SIPA1L1: variants seen among roughly 807,000 people sequenced by gnomAD.
SIPA1L1 encodes signal induced proliferation associated 1 like 1, also known as signal-induced proliferation-associated 1-like protein 1.
In SIPA1L1, 26 loss-of-function variants were observed where a neutral mutation model predicts 162.7. The observed-to-expected ratio is 0.16, with a 90% CI of 0.12 to 0.22. The LOEUF (loss-of-function observed/expected upper bound fraction) is 0.22. Ranked by LOEUF, SIPA1L1 falls within the 10% of genes least tolerant of loss-of-function variation. SIPA1L1 has a pLI of 1.00. For missense variants in SIPA1L1, 1,874 were observed against 2,241.0 expected (o/e 0.84, Z 3.31); for synonymous variants, 829 against 837.4 (o/e 0.99, Z 0.17).
intron 19 of SIPA1L1, 25 bp downstream of exon 19, chr14:71,724,860 T>C: frequency 6.2e-7 from 1 of 1,603,324 alleles, no homozygotes; most frequent in Non-Finnish European, 8.5e-7. Flanking sequence ...TCAGGGTAGA[T>C]GGCAATTAGA....
intron 2 of SIPA1L1, among the ~76,000 whole-genome samples, chr14:71,458,876 A>T (rs1476170493): frequency 6.6e-6 from 1 of 151,884 alleles, no homozygotes; most frequent in East Asian, 1.9e-4. Context: ...TTAGAGACCA[A>T]CCTGGCCTCT....
chr14:71,730,153 C>T lies in SIPA1L1; in HGVS notation c.4713C>T (p.Ser1571=). ...TGTCGGACGAGAGCATTTACAATAG[C>T]CAGAGGGAGCACTTTTTCACCTCCA... ...RTLSDESIYN[S]QREHFFTSRA... is the part of the protein sequence containing the mutation. The change falls in exon 20 of 24, where the codon AGC becomes AGT. Residue 1571 remains serine (S), a synonymous_variant. Transcript: ENST00000381232. 1 of 1,614,174 alleles carries T rather than the reference C, an allele frequency of 6.2e-7. No individual in the cohort carries two copies. Among genetic ancestry groups the T allele is most frequent in the Non-Finnish European group, 8.5e-7 (1 of 1,180,036 alleles).
Position 71,587,633 on chromosome 14 carries a change from T to C in SIPA1L1, c.-240T>C. On this transcript the variant is annotated 5_prime_UTR_variant, in exon 5 of 24. An upstream open reading frame in the 5' UTR loses its in-frame stop. Transcript: ENST00000381232. Reference sequence around the variant, plus strand: ...AGTACAAGTTCCATTCAGTTTTTTCTGAAAGAAAGCCCTCTGTTAAAGTGA... The same window carrying C: ...AGTACAAGTTCCATTCAGTTTTTTCCGAAAGAAAGCCCTCTGTTAAAGTGA... The C allele has an allele frequency of 2.1e-6, 1 of 466,068 alleles. No homozygotes were observed. The highest frequency in any genetic ancestry group is 3.8e-6 in the Non-Finnish European group (1 of 265,516). 28.9% of individuals were successfully genotyped at this position (466,068 alleles called of 1,614,324 possible).
In SIPA1L1 at chr14:71,734,035, T is replaced by C. The variant is rs2085050989; in HGVS notation, c.5008+223T>C. 3.9e-5 allele frequency among the ~76,000 whole-genome samples: 6 copies of C among 152,190 alleles called. No homozygotes were observed. In the South Asian group the frequency reaches 1.0e-3, roughly 26 times the overall value. ...TGTTTCCTCCACAGGATTCATAACA[T>C]GAATGCCTCGCCTCCTCCGTATATG... On this transcript the variant is annotated intron_variant, in intron 21 of 23. Coordinates refer to ENST00000381232, the MANE Select transcript of SIPA1L1 (RefSeq NM_001386936.1).
intron 4 of SIPA1L1, among the ~76,000 whole-genome samples, chr14:71,579,894 C>T (rs2033671783): frequency 2.0e-5 from 3 of 152,174 alleles, no homozygotes; most frequent in Admixed American, 2.0e-4. Flanking sequence ...GTGTTCCTTC[C>T]TACTGAGCCC....
chr14:71,702,921 T>G (rs964208490), intron 15 of SIPA1L1, among the ~76,000 whole-genome samples: 1 of 152,238 alleles, frequency 6.6e-6, no homozygotes, highest in African/African-American at 2.4e-5. Context: ...CGTAGCTTGC[T>G]TAGAATCTCT....
chr14:71,404,854 G>A (rs956895364), intron 2 of SIPA1L1, among the ~76,000 whole-genome samples: 1 of 152,138 alleles, frequency 6.6e-6, no homozygotes, highest in African/African-American at 2.4e-5. Context: ...AATTTAGGAC[G>A]TCTAGCTCCA....
chr14:71,424,210 A>G (rs1347107534), intron 2 of SIPA1L1, among the ~76,000 whole-genome samples: 3 of 152,104 alleles, frequency 2.0e-5, no homozygotes, highest in Non-Finnish European at 4.4e-5. Context: ...GTAAGATTAT[A>G]TCACCTGTGG....
chr14:71,715,263 C>T (rs955385548), intron 17 of SIPA1L1, among the ~76,000 whole-genome samples: 1 of 152,208 alleles, frequency 6.6e-6, no homozygotes, highest in Non-Finnish European at 1.5e-5. Flanking sequence ...GGCCTGTGGC[C>T]AGTTGTACCA....
At chr14:71,705,811 A>G (rs902314924) in intron 16 of SIPA1L1, among the ~76,000 whole-genome samples, 1 of 151,982 alleles carries the variant, frequency 6.6e-6, no homozygotes. Flanking sequence ...CTTGTCTTTC[A>G]TAGCCATACA....
chr14:71,480,716 T>C (rs976562364), intron 2 of SIPA1L1, among the ~76,000 whole-genome samples: 3 of 152,048 alleles, frequency 2.0e-5, no homozygotes, highest in African/African-American at 7.2e-5. Context: ...GAGCCAAGAT[T>C]GCACCACTGT....
At chr14:71,637,939 A>G (rs1325719961) in intron 7 of SIPA1L1, among the ~76,000 whole-genome samples, 1 of 152,218 alleles carries the variant, frequency 6.6e-6, no homozygotes, top group East Asian at 1.9e-4. Context: ...AATACTGTAT[A>G]CAGCTGAATA....
At chr14:71,529,758 T>G (rs890867759) in intron 4 of SIPA1L1, among the ~76,000 whole-genome samples, 4 of 152,256 alleles carry the variant, frequency 2.6e-5, no homozygotes, top group African/African-American at 9.6e-5. Context: ...GAACTCTGGC[T>G]ACATCAGTGA....
At chr14:71,520,939 G>A (rs1317265747) in intron 3 of SIPA1L1, among the ~76,000 whole-genome samples, 8 of 151,848 alleles carry the variant, frequency 5.3e-5, no homozygotes, top group Non-Finnish European at 1.2e-4. Context: ...TTTTTTGTAC[G>A]GATGGGGTTT....
At chr14:71,709,197 C>G in intron 16 of SIPA1L1, 25 bp from the exon 17 acceptor site, 1 of 1,578,306 alleles carries the variant, frequency 6.3e-7, no homozygotes, top group East Asian at 2.2e-5. Flanking sequence ...ACTTTGCACT[C>G]AAATAAATTC....
intron 13 of SIPA1L1, among the ~76,000 whole-genome samples, chr14:71,697,174 G>T (rs186355234): frequency 6.6e-5 from 10 of 152,244 alleles, no homozygotes; most frequent in Admixed American, 1.3e-4. Context: ...CTGGAGGAAT[G>T]GGGTGGAGAG....
chr14:71,438,779 C>T (rs755944903), intron 2 of SIPA1L1, among the ~76,000 whole-genome samples: 5 of 152,158 alleles, frequency 3.3e-5, no homozygotes, highest in Non-Finnish European at 5.9e-5. Flanking sequence ...ATGTTTAAGC[C>T]ACCAAGTAAC....
chr14:71,486,286 A>G (rs1000451429), intron 2 of SIPA1L1, among the ~76,000 whole-genome samples: 11 of 152,250 alleles, frequency 7.2e-5, no homozygotes, highest in African/African-American at 2.7e-4. Flanking sequence ...TTCTGTGGGG[A>G]AACCACTTGG....
At position 71,412,466 on chromosome 14, in the gene SIPA1L1, T is replaced by G. The variant is rs1228418445; in HGVS notation, c.-465+91285T>G. ...TCTTCTGATATTTGTACGATTTGGT[T>G]ATGGTAGTGTAGGAAAGGCCTGTTG... On this transcript the variant is annotated intron_variant, in intron 2 of 23. Coordinates refer to ENST00000381232, the MANE Select transcript of SIPA1L1 (RefSeq NM_001386936.1). Among the ~76,000 whole-genome samples the G allele has an allele frequency of 2.6e-5, 4 of 152,298 alleles. No homozygotes were observed. The South Asian group carries it at 8.3e-4, about 32-fold the overall frequency.
Sources: allele counts gnomAD v4.1 joint callset (sites outside exome capture counted in the v4.1 genomes callset), GRCh38; gene constraint gnomAD v4.1.1; transcripts MANE v1.5; gene names NCBI Gene and HGNC (gene_info 2026-07-23, HGNC 2026-07-21).